Variants in STS observed in about 807,000 individuals in gnomAD.
The protein encoded by STS is steroid sulfatase.
In STS, 7 loss-of-function variants were observed where a neutral mutation model predicts 26.8. The ratio of observed to expected loss-of-function variants is 0.26; its 90% CI spans 0.15 to 0.49. The LOEUF is 0.49. Ranked by LOEUF, STS falls within the 20% of genes least tolerant of loss-of-function variation. The pLI is 0.98. For missense variants in STS, 434 were observed against 465.6 expected (o/e 0.93, Z 0.63); for synonymous variants, 199 against 189.4 (o/e 1.05, Z -0.42).
Position 7,276,150 on chromosome X carries a change from T to C in STS, c.943+63T>C, listed in dbSNP as rs1333715724. The C allele has an allele frequency of 1.1e-5, 13 of 1,175,821 alleles. No homozygotes were observed. The Admixed American group carries it at 2.9e-4, about 26-fold the overall frequency. On this transcript the variant is annotated intron_variant, in intron 7 of 10. Coordinates refer to ENST00000674429, the MANE Select transcript of STS (RefSeq NM_001320752.2). The stretch of plus-strand genomic sequence containing the variant: ...AGTCTTTGCCTCCTTGTGTTTTCTT[T>C]CCTGTGTATTTCTATCTTTGTTCCT...
At chrX:7,194,657 A>C (rs773530987) in intron 2 of STS, among the ~76,000 whole-genome samples, 8 of 112,120 alleles carry the variant, frequency 7.1e-5, no homozygotes, top group Non-Finnish European at 1.3e-4. Flanking sequence ...TGGCCTACCC[A>C]GAAATGAACA....
chrX:7,334,336 C>T (rs1257660120), intron 10 of STS, among the ~76,000 whole-genome samples: 5 of 111,290 alleles, frequency 4.5e-5, no homozygotes, highest in African/African-American at 1.6e-4. Flanking sequence ...ATTCACCCAC[C>T]TGAACACCAC....
At chrX:7,151,935 A>G (rs946066953) in intron 1 of STS, among the ~76,000 whole-genome samples, 6 of 111,271 alleles carry the variant, frequency 5.4e-5, no homozygotes, top group Admixed American at 3.8e-4. Flanking sequence ...TAGGATTATT[A>G]TTATTATCGT....
chrX:7,245,836 C>T (rs762994287), intron 2 of STS, among the ~76,000 whole-genome samples: 8 of 112,017 alleles, frequency 7.1e-5, no homozygotes, highest in Non-Finnish European at 1.3e-4. Flanking sequence ...AGATTGGCCT[C>T]TCCAAATTAT....
intron 1 of STS, among the ~76,000 whole-genome samples, chrX:7,163,785 C>T (rs1933295635): frequency 8.9e-6 from 1 of 112,418 alleles, no homozygotes; most frequent in African/African-American, 3.2e-5. Context: ...GAAAAGTCTT[C>T]ATTCATCCCA....
intron 1 of STS, among the ~76,000 whole-genome samples, chrX:7,183,748 T>A (rs1933724262): frequency 8.9e-6 from 1 of 111,958 alleles, no homozygotes; most frequent in Non-Finnish European, 1.9e-5. Context: ...TCATGCCTAA[T>A]CCCAGCACTC....
chrX:7,202,314 C>T (rs1268438894), intron 2 of STS, among the ~76,000 whole-genome samples: 1 of 111,163 alleles, frequency 9.0e-6, no homozygotes, highest in African/African-American at 3.3e-5. Flanking sequence ...TGACCACAAA[C>T]ATGTTTGTTT....
chrX:7,169,831 A>G, intron 1 of STS, among the ~76,000 whole-genome samples: 1 of 107,462 alleles, frequency 9.3e-6, no homozygotes, highest in East Asian at 3.0e-4. Context: ...AGGCAGTGTC[A>G]AAAGCAGCTC....
At chrX:7,195,681 C>T (rs748271822) in intron 2 of STS, among the ~76,000 whole-genome samples, 40 of 112,444 alleles carry the variant, frequency 3.6e-4, no homozygotes, top group Non-Finnish European at 6.4e-4. Flanking sequence ...ATGTTCAGTG[C>T]TTGGCAAACT....
intron 2 of STS, among the ~76,000 whole-genome samples, chrX:7,205,520 G>T (rs752190424): frequency 8.9e-6 from 1 of 111,937 alleles, no homozygotes; most frequent in African/African-American, 3.2e-5. Context: ...TTATTCAGGG[G>T]CCAATGCAAC....
At chrX:7,297,437 C>G (rs1034481373) in intron 7 of STS, among the ~76,000 whole-genome samples, 1 of 111,283 alleles carries the variant, frequency 9.0e-6, no homozygotes, top group Admixed American at 9.6e-5. Context: ...TTGGTTCAGC[C>G]AGCAGAATTC....
Position 7,271,848 on chromosome X carries a change from G to A in STS, c.807-4103G>A, listed in dbSNP as rs767216660. ...CCAAGTACTGGAATAATAAAACATG[G>A]TACTGATGATTACCAATAACTTGTT... is the stretch of plus-strand genomic sequence containing the variant. On this transcript the variant is annotated intron_variant, in intron 6 of 10. Coordinates refer to ENST00000674429, the MANE Select transcript of STS (RefSeq NM_001320752.2). Among the ~76,000 whole-genome samples, 3 of 109,153 alleles carry A rather than the reference G, an allele frequency of 2.7e-5. No individual in the cohort carries two copies. The Admixed American group carries it at 3.0e-4, about 11-fold the overall frequency. The allele number at this position is 109,153 out of a possible 115,157, so 94.8% of individuals were successfully genotyped here.
chrX:7,238,456 A>T (rs931237706), intron 2 of STS, among the ~76,000 whole-genome samples: 7 of 110,470 alleles, frequency 6.3e-5, no homozygotes, highest in Admixed American at 3.9e-4. Flanking sequence ...GATGGCAGCT[A>T]CCATCTCTGG....
chrX:7,204,618 T>C (rs1934157542), intron 2 of STS, among the ~76,000 whole-genome samples: 1 of 102,362 alleles, frequency 9.8e-6, no homozygotes, highest in Non-Finnish European at 2.0e-5. Flanking sequence ...TTCCTTCCCT[T>C]CCTTCTTCCC....
chrX:7,255,672 G>A (rs1343855153), intron 3 of STS, among the ~76,000 whole-genome samples: 3 of 111,781 alleles, frequency 2.7e-5, no homozygotes, highest in African/African-American at 9.8e-5. Context: ...CCCCAAAATA[G>A]TCACTTTTTT....
chrX:7,217,239 A>AG (rs1474024531), intron 2 of STS, among the ~76,000 whole-genome samples: 2 of 111,033 alleles, frequency 1.8e-5, no homozygotes, highest in Admixed American at 9.6e-5. Flanking sequence ...GAACAGATGG[A>AG]GGGGGGGTCC....
intron 6 of STS, among the ~76,000 whole-genome samples, chrX:7,267,318 A>G (rs1924052815): frequency 8.9e-6 from 1 of 112,350 alleles, no homozygotes; most frequent in African/African-American, 3.2e-5. Context: ...TAGTTTTATC[A>G]TTACTATGGT....
chrX:7,246,913 A>C (rs1922911049), intron 2 of STS, among the ~76,000 whole-genome samples: 1 of 113,258 alleles, frequency 8.8e-6, no homozygotes, highest in African/African-American at 3.2e-5. Context: ...ATTTCACTTC[A>C]GACTTTGTAT....
chrX:7,183,844 A>T (rs896081465), intron 1 of STS, among the ~76,000 whole-genome samples: 1 of 110,996 alleles, frequency 9.0e-6, no homozygotes, highest in Non-Finnish European at 1.9e-5. Flanking sequence ...TCTACTAAAA[A>T]TACGAAAATT....
Sources: gnomAD v4.1 joint callset for allele counts (sites outside exome capture counted in the v4.1 genomes callset) on GRCh38, gnomAD v4.1.1 for gene constraint, MANE v1.5 for transcripts, NCBI Gene and HGNC (gene_info 2026-07-23, HGNC 2026-07-21) for gene names.